PCCA: variants seen among roughly 807,000 people sequenced by gnomAD.
PCCA encodes the protein propionyl-CoA carboxylase alpha chain, mitochondrial.
In PCCA, 74 loss-of-function variants were observed where a neutral mutation model predicts 101.3. The observed-to-expected ratio is 0.73, with a 90% CI of 0.61 to 0.89. PCCA has a LOEUF of 0.89. Among genes scored for constraint, PCCA ranks in the 40% least tolerant of loss-of-function variants. PCCA has a pLI of 0.00. For missense variants in PCCA, 891 were observed against 907.0 expected, an observed-to-expected ratio of 0.98 and a Z score of 0.23; for synonymous variants, 294 against 313.6, an observed-to-expected ratio of 0.94 and a Z score of 0.66.
At chr13:100,306,155 G>A (rs762948653) in intron 14 of PCCA, among the ~76,000 whole-genome samples, 6 of 152,168 alleles carry the variant, frequency 3.9e-5, no homozygotes, top group Non-Finnish European at 5.9e-5. Context: ...CCTAACAGCC[G>A]CTGTGTTGAC....
chr13:100,147,973 G>T (rs1321529670), intron 4 of PCCA, among the ~76,000 whole-genome samples: 2 of 151,810 alleles, frequency 1.3e-5, no homozygotes, highest in Non-Finnish European at 2.9e-5. Flanking sequence ...TTTACAGATG[G>T]GGTCACACTG....
At chr13:100,370,842 C>T (rs573610340) in intron 19 of PCCA, among the ~76,000 whole-genome samples, 8 of 152,024 alleles carry the variant, frequency 5.3e-5, no homozygotes, top group Non-Finnish European at 1.0e-4. Flanking sequence ...AACTTAGTTT[C>T]CCAGATCACC....
chr13:100,432,426 G>A (rs948949705), intron 20 of PCCA, among the ~76,000 whole-genome samples: 2 of 152,274 alleles, frequency 1.3e-5, no homozygotes, highest in Non-Finnish European at 2.9e-5. Context: ...TTAGCCAAGG[G>A]CATCAGATGA....
At chr13:100,380,160 G>A (rs1451644944) in intron 19 of PCCA, among the ~76,000 whole-genome samples, 5 of 152,208 alleles carry the variant, frequency 3.3e-5, no homozygotes, top group African/African-American at 7.2e-5. Flanking sequence ...CCAAGAGTTC[G>A]AGACCAGCCT....
intron 17 of PCCA, among the ~76,000 whole-genome samples, chr13:100,336,174 A>C (rs1027002678): frequency 6.6e-6 from 1 of 152,186 alleles, no homozygotes; most frequent in South Asian, 2.1e-4. Flanking sequence ...AGGCAGGAGA[A>C]TCACTTGAAC....
chr13:100,474,592 G>A (rs751150680), intron 21 of PCCA, among the ~76,000 whole-genome samples: 8 of 151,818 alleles, frequency 5.3e-5, no homozygotes, highest in Non-Finnish European at 8.8e-5. Flanking sequence ...CTCAAGTGAT[G>A]CTCCCACCTC....
At chr13:100,226,090 C>T (rs182054364) in intron 7 of PCCA, among the ~76,000 whole-genome samples, 153 of 152,156 alleles carry the variant, frequency 1.0e-3, no homozygotes, top group African/African-American at 3.3e-3. Context: ...TGTGCCCGGC[C>T]GAAAGATTTG....
chr13:100,214,433 GTT>G (rs1328567731), intron 7 of PCCA, among the ~76,000 whole-genome samples: 1 of 143,742 alleles, frequency 7.0e-6, no homozygotes. Flanking sequence ...GTGTGTGTGT[GTT>G]TTTTTTTTTA....
chr13:100,397,235 T>C (rs1595741090), intron 19 of PCCA, among the ~76,000 whole-genome samples: 1 of 152,208 alleles, frequency 6.6e-6, no homozygotes, highest in Non-Finnish European at 1.5e-5. Flanking sequence ...TGGGTCGAGG[T>C]GTCATCAAAT....
intron 12 of PCCA, among the ~76,000 whole-genome samples, chr13:100,275,664 A>G (rs929704175): frequency 2.0e-5 from 3 of 150,288 alleles, no homozygotes; most frequent in Non-Finnish European, 3.0e-5. Flanking sequence ...TTCTTGTCCA[A>G]TCTCTGGCCT....
intron 18 of PCCA, among the ~76,000 whole-genome samples, chr13:100,356,861 G>A (rs1016099940): frequency 1.4e-4 from 21 of 152,064 alleles, no homozygotes; most frequent in African/African-American, 4.6e-4. Context: ...AATGTGATAC[G>A]TTCATAGAAT....
In PCCA at chr13:100,161,988, G is replaced by A. The variant is rs534599742; in HGVS notation, c.468+4648G>A. Among the ~76,000 whole-genome samples the A allele has an allele frequency of 9.9e-5, 15 of 152,016 alleles. No homozygotes were observed. In the South Asian group the frequency reaches 2.9e-3, roughly 30 times the overall value. On this transcript the variant is annotated intron_variant, in intron 6 of 23. Coordinates refer to ENST00000376285, the MANE Select transcript of PCCA (RefSeq NM_000282.4). ...AAGCACATGAAAACATTGAAAATTA[G>A]GATTTCTTTCCATCTTTGAACCTTC... is the stretch of plus-strand genomic sequence containing the variant.
intron 4 of PCCA, among the ~76,000 whole-genome samples, chr13:100,132,200 T>C (rs1306885544): frequency 7.7e-6 from 1 of 129,282 alleles, no homozygotes; most frequent in East Asian, 2.0e-4. Flanking sequence ...CCATCTTTCA[T>C]ACCCTTCTGT....
At position 100,330,667 on chromosome 13, in the gene PCCA, CA is replaced by C. The variant is rs1566945996; in HGVS notation, c.1539del (p.Gly514AspfsTer4). On this transcript the variant is annotated frameshift_variant, in exon 17 of 24. Coordinates refer to ENST00000376285, the MANE Select transcript of PCCA (RefSeq NM_000282.4). LOFTEE classifies it high-confidence loss of function. ...TCTCCGATGTGTATCCTGATGGCTT[CA>C]AAGGTTTGTATGCATTAAAATATTT... ...FLSDVYPDGF[K>X]GHMLTKSEKN... 1 of 1,577,802 alleles carries C rather than the reference CA, an allele frequency of 6.3e-7. No homozygotes were observed. The highest frequency in any genetic ancestry group is 1.7e-5 in the Admixed American group (1 of 59,966).
intron 21 of PCCA, among the ~76,000 whole-genome samples, chr13:100,462,395 TG>T (rs1204425533): frequency 6.6e-6 from 1 of 152,188 alleles, no homozygotes; most frequent in East Asian, 1.9e-4. Flanking sequence ...TGCTAGGAAG[TG>T]GGTTAGTTGA....
intron 20 of PCCA, among the ~76,000 whole-genome samples, chr13:100,426,906 G>A (rs990425911): frequency 6.6e-6 from 1 of 152,140 alleles, no homozygotes; most frequent in African/African-American, 2.4e-5. Flanking sequence ...TTAGATCCAT[G>A]TATTATTATG....
intron 16 of PCCA, among the ~76,000 whole-genome samples, chr13:100,325,531 T>G (rs1451055568): frequency 2.0e-5 from 3 of 152,114 alleles, no homozygotes; most frequent in Non-Finnish European, 4.4e-5. Flanking sequence ...AAGTGCCTTA[T>G]TCTGAGGGGG....
Position 100,319,162 on chromosome 13 carries a change from G to A in PCCA, c.1429+9254G>A, listed in dbSNP as rs541946823. Among the ~76,000 whole-genome samples the A allele has an allele frequency of 9.5e-4, 144 of 152,194 alleles. 3 individuals are homozygous for A. Among genetic ancestry groups the A allele is most frequent in the African/African-American group, 2.8e-3 (117 of 41,500 alleles). ...TGAGAAGTGTCTGTTCATGTCCTTCGCCCACTTTTTGATGGGGTTGTTTGT... is the reference window on the plus strand; with the variant it reads ...TGAGAAGTGTCTGTTCATGTCCTTCACCCACTTTTTGATGGGGTTGTTTGT... On this transcript the variant is annotated intron_variant, in intron 16 of 23. Transcript: ENST00000376285.
chr13:100,110,535 G>T (rs2048215260), intron 2 of PCCA, among the ~76,000 whole-genome samples: 1 of 152,126 alleles, frequency 6.6e-6, no homozygotes, highest in East Asian at 1.9e-4. Flanking sequence ...TCTACTGTTT[G>T]GTCTCAGCTG....
Sources: gnomAD v4.1 joint callset for allele counts (sites outside exome capture counted in the v4.1 genomes callset) on GRCh38, gnomAD v4.1.1 for gene constraint, MANE v1.5 for transcripts, NCBI Gene and HGNC (gene_info 2026-07-23, HGNC 2026-07-21) for gene names.